Variants in RFX4 observed in about 807,000 individuals in gnomAD.
RFX4 encodes the protein transcription factor RFX4.
In RFX4, 10 loss-of-function variants were observed where a neutral mutation model predicts 95.0. That is an observed-to-expected ratio of 0.11 (90% CI 0.06 to 0.18). The LOEUF (loss-of-function observed/expected upper bound fraction) is 0.18, where lower values mean the gene tolerates loss of function less well. RFX4 is among the 10% of genes least tolerant of loss of function. The pLI is 1.00. For synonymous variants in RFX4, 321 were observed against 340.7 expected (o/e 0.94, Z 0.64); for missense variants, 640 against 922.0 (o/e 0.69, Z 3.96).
intron 2 of RFX4, among the ~76,000 whole-genome samples, chr12:106,628,501 A>G (rs2040349811): frequency 1.3e-5 from 2 of 152,196 alleles, no homozygotes; most frequent in African/African-American, 4.8e-5. Context: ...CCATTTGAGT[A>G]GATTCTTCCT....
intron 17 of RFX4, among the ~76,000 whole-genome samples, chr12:106,759,803 G>A (rs1162327796): frequency 6.6e-6 from 1 of 152,078 alleles, no homozygotes; most frequent in Non-Finnish European, 1.5e-5. Context: ...TTCTGAAGTG[G>A]CTGTACTTTT....
rs772988031 is a variant in RFX4, at chr12:106,654,288, G to A, written c.252G>A (p.Met84Ile). 1 of 1,613,922 alleles carries A rather than the reference G, an allele frequency of 6.2e-7. No homozygotes were observed. The highest frequency in any genetic ancestry group is 1.1e-5 in the South Asian group (1 of 91,074). ...GCATCCCTCGCAGTGCCCTCTATAT[G>A]CATTACCTGGATTTCTGCGAGAAGA... is the stretch of plus-strand genomic sequence containing the variant. ...GVCIPRSALY[M>I]HYLDFCEKND... The change falls in exon 4 of 18, where the codon ATG becomes ATA. Residue 84 changes from methionine (M) to isoleucine (I), a missense_variant. This residue lies in a region of RFX4 where 89 missense variants were observed against 173.8 expected (regional missense o/e 0.51). Coordinates refer to ENST00000392842, the MANE Select transcript of RFX4 (RefSeq NM_213594.3).
At chr12:106,756,049 C>G (rs757297850) in intron 17 of RFX4, among the ~76,000 whole-genome samples, 2 of 152,192 alleles carry the variant, frequency 1.3e-5, no homozygotes, top group African/African-American at 4.8e-5. Context: ...ACAATATATA[C>G]TTTCTTCCTG....
intron 2 of RFX4, 143 bp from the exon 3 acceptor site, chr12:106,639,189 A>C (rs1448402395): frequency 1.6e-6 from 1 of 634,214 alleles, no homozygotes; most frequent in East Asian, 2.8e-5. Context: ...TGAGTCTAAC[A>C]TGTTGGAAAA....
At chr12:106,591,574 C>A (rs1273748938) in intron 1 of RFX4, among the ~76,000 whole-genome samples, 1 of 152,136 alleles carries the variant, frequency 6.6e-6, no homozygotes, top group Middle Eastern at 3.2e-3. Flanking sequence ...CTAAAATAAT[C>A]TTTTAAACTG....
intron 3 of RFX4, among the ~76,000 whole-genome samples, chr12:106,653,776 T>A (rs1349126863): frequency 6.6e-6 from 1 of 152,188 alleles, no homozygotes; most frequent in East Asian, 1.9e-4. Flanking sequence ...TCCCCCTCCA[T>A]AGCATTTGTC....
chr12:106,627,451 C>T (rs1482063698), intron 2 of RFX4, among the ~76,000 whole-genome samples: 4 of 152,132 alleles, frequency 2.6e-5, no homozygotes, highest in Non-Finnish European at 4.4e-5. Context: ...AGGAGGATTC[C>T]GTGAACCTGG....
rs2039466446 is a variant in RFX4 at position 106,586,926 on chromosome 12, GC to G, written c.43+3565del. Among the ~76,000 whole-genome samples, 1 of 152,216 alleles carries G rather than the reference GC, an allele frequency of 6.6e-6. No homozygotes were observed. Among genetic ancestry groups the G allele is most frequent in the African/African-American group, 2.4e-5 (1 of 41,476 alleles). On this transcript the variant is annotated intron_variant, in intron 1 of 17. Coordinates refer to ENST00000392842, the MANE Select transcript of RFX4 (RefSeq NM_213594.3). This position sits in a 1 kb window ranked among gnomAD's most constrained non-coding sequence, Gnocchi z 5.6. ...GGAGAGCAAGGAGCCGGAGGTCCGA[GC>G]CTTGCTCCAGCGCCCAAACCAGACA...
In RFX4 at chr12:106,636,699, C is replaced by T. The variant is rs571503563; in HGVS notation, c.131-2633C>T. 2.0e-5 allele frequency among the ~76,000 whole-genome samples: 3 copies of T among 152,108 alleles called. No homozygotes were observed. The East Asian group carries it at 5.8e-4, about 29-fold the overall frequency. ...ATTAGTGTGGTTTGGGTTCTAACTA[C>T]CAGTTAGAATGGTTTTGGTGGCAGG... On this transcript the variant is annotated intron_variant, in intron 2 of 17. Transcript: ENST00000392842.
intron 3 of RFX4, among the ~76,000 whole-genome samples, chr12:106,643,486 ACCT>A (rs960649546): frequency 3.7e-4 from 57 of 152,288 alleles, no homozygotes; most frequent in African/African-American, 1.4e-3. Flanking sequence ...AGAACATGTG[ACCT>A]CCTACGTAAA....
intron 13 of RFX4, among the ~76,000 whole-genome samples, chr12:106,728,409 T>C (rs2042546229): frequency 1.3e-5 from 2 of 152,054 alleles, no homozygotes; most frequent in Admixed American, 6.6e-5. Context: ...ATTTGATTCA[T>C]ACATCTAACA....
intron 4 of RFX4, among the ~76,000 whole-genome samples, chr12:106,662,491 T>C (rs1189089539): frequency 6.6e-6 from 1 of 152,204 alleles, no homozygotes; most frequent in Non-Finnish European, 1.5e-5. Flanking sequence ...CTTGCAAATA[T>C]TTTCTCCCAG....
At chr12:106,631,996 C>T (rs1405176467) in intron 2 of RFX4, among the ~76,000 whole-genome samples, 3 of 152,220 alleles carry the variant, frequency 2.0e-5, no homozygotes, top group African/African-American at 7.2e-5. Flanking sequence ...ATACTCATGA[C>T]AGCTGTATGT....
chr12:106,639,447 T>A, intron 3 of RFX4, 55 bp downstream of exon 3: 1 of 1,469,462 alleles, frequency 6.8e-7, no homozygotes, highest in Non-Finnish European at 9.5e-7. Context: ...TATCTTCTTG[T>A]CTATAGGATA....
In RFX4 at chr12:106,692,485, A is replaced by G. The variant is rs115715528; in HGVS notation, c.669+3121A>G. Among the ~76,000 whole-genome samples, 166 of 152,290 alleles carry G rather than the reference A, an allele frequency of 1.1e-3. 2 individuals carry two copies. The highest frequency in any genetic ancestry group is 6.2e-3 in the East Asian group (32 of 5,186). ...AAGCCTGGTACACTTAGGGACCCCAATTGCAAGTCATCACAGGTGTTTCCA... is the reference window on the plus strand; with the variant it reads ...AAGCCTGGTACACTTAGGGACCCCAGTTGCAAGTCATCACAGGTGTTTCCA... On this transcript the variant is annotated intron_variant, in intron 7 of 17. Coordinates refer to ENST00000392842, the MANE Select transcript of RFX4 (RefSeq NM_213594.3).
intron 13 of RFX4, among the ~76,000 whole-genome samples, chr12:106,730,512 C>T (rs2042589511): frequency 6.6e-6 from 1 of 152,200 alleles, no homozygotes; most frequent in African/African-American, 2.4e-5. Flanking sequence ...CTCATTTCCT[C>T]ATCGGTAAGG....
At chr12:106,757,840 T>C (rs1412857058) in intron 17 of RFX4, among the ~76,000 whole-genome samples, 2 of 152,194 alleles carry the variant, frequency 1.3e-5, no homozygotes, top group Non-Finnish European at 1.5e-5. Flanking sequence ...TTTCTCAAAA[T>C]AGATCTTCCT....
chr12:106,646,382 A>G lies in RFX4; in HGVS notation c.191+6990A>G, dbSNP rs77425719. On this transcript the variant is annotated intron_variant, in intron 3 of 17. Coordinates refer to ENST00000392842, the MANE Select transcript of RFX4 (RefSeq NM_213594.3). ...CTAGGCCCCAAAAGAAGCATTCGGA[A>G]CCAAATGGAAATTGCAACACTGTGC... Among the ~76,000 whole-genome samples the G allele has an allele frequency of 6.2e-3, 923 of 147,810 alleles. 12 individuals carry two copies. Among genetic ancestry groups the G allele is most frequent in the African/African-American group, 0.023 (894 of 39,020 alleles).
intron 14 of RFX4, among the ~76,000 whole-genome samples, chr12:106,732,652 T>C (rs2042635185): frequency 6.6e-6 from 1 of 151,924 alleles, no homozygotes. Flanking sequence ...GTGAGCCGAG[T>C]GTGCGCCACT....
Sources: gnomAD v4.1 joint callset for allele counts (sites outside exome capture counted in the v4.1 genomes callset) on GRCh38, gnomAD v4.1.1 for gene constraint, gnomAD v4.1.1 regional missense constraint, Gnocchi (gnomAD v3.1) non-coding constraint, MANE v1.5 for transcripts, NCBI Gene and HGNC (gene_info 2026-07-23, HGNC 2026-07-21) for gene names.